TACC3: variants seen among roughly 807,000 people sequenced by gnomAD.
TACC3 encodes transforming acidic coiled-coil containing protein 3.
In TACC3, 52 loss-of-function variants were observed where a neutral mutation model predicts 86.0. The observed-to-expected ratio is 0.60, with a 90% CI of 0.48 to 0.76. The LOEUF (loss-of-function observed/expected upper bound fraction) is 0.76. TACC3 is among the 30% of genes least tolerant of loss of function. The pLI is 0.00. For synonymous variants in TACC3, 512 were observed against 430.0 expected (o/e 1.19, Z -2.36); for missense variants, 1,120 against 1,070.4 (o/e 1.05, Z -0.65).
In TACC3 at chr4:1,744,808, G is replaced by A. The variant is rs372855233; in HGVS notation, c.2427G>A (p.Ser809=). The A allele has an allele frequency of 3.7e-5, 60 of 1,612,928 alleles. No homozygotes were observed. The highest frequency in any genetic ancestry group is 3.1e-4 in the South Asian group (28 of 91,082). The change falls in exon 15 of 16, where the codon TCG becomes TCA. Residue 809 remains serine, a synonymous_variant. Coordinates refer to ENST00000313288, the MANE Select transcript of TACC3 (RefSeq NM_006342.3). The part of the protein sequence containing the change: ...SLRKEQMRIQ[S]LEKTVEQKTK... ...GGAAGGAGCAGATGCGCATCCAGTC[G>A]CTGGAGAAGACAGTGGAGCAGAAGG...
chr4:1,732,698 G>A (rs1038263702), intron 6 of TACC3, among the ~76,000 whole-genome samples: 2 of 152,220 alleles, frequency 1.3e-5, no homozygotes, highest in African/African-American at 4.8e-5. Flanking sequence ...CCCTCACGCA[G>A]GATCCCTGGA....
chr4:1,729,666 T>A (rs1717902226), intron 4 of TACC3, among the ~76,000 whole-genome samples: 1 of 152,180 alleles, frequency 6.6e-6, no homozygotes, highest in African/African-American at 2.4e-5. Context: ...ACAGAGCGGA[T>A]CATGAAAGTG....
upstream of TACC3, chr4:1,721,045 G>C (rs1442238720): frequency 3.3e-6 from 1 of 304,632 alleles, no homozygotes; most frequent in African/African-American, 2.3e-5. Flanking sequence ...GGGCACTCTA[G>C]GACATGGAGT....
intron 4 of TACC3, chr4:1,730,431 A>ATATCTAT (rs1491163576): frequency 3.5e-6 from 1 of 282,822 alleles, no homozygotes; most frequent in Non-Finnish European, 7.0e-6. Context: ...ATATATAATC[A>ATATCTAT]TATCTATAAT....
chr4:1,744,398 C>A, intron 13 of TACC3, 120 bp from the exon 14 acceptor site: 1 of 878,874 alleles, frequency 1.1e-6, no homozygotes. Context: ...AAAACGGGAG[C>A]TACTGGCTCA....
Position 1,744,546 on chromosome 4 carries a change from A to G in TACC3, c.2252A>G (p.Glu751Gly), listed in dbSNP as rs1482027069. 2.5e-6 allele frequency: 4 copies of G among 1,613,082 alleles called. No homozygotes were observed. The highest frequency in any genetic ancestry group is 3.4e-6 in the Non-Finnish European group (4 of 1,179,972). ...KNEESLKKCV[E>G]DYLARITQEG... ...GAAGAGTCACTGAAGAAGTGCGTGG[A>G]GGATTACCTGGCAAGGATCACCCAG... The change falls in exon 14 of 16, where the codon GAG (glutamate) becomes GGG (glycine). Residue 751 changes from glutamate to glycine, a missense_variant. By Grantham distance (98) the Glu-to-Gly change is moderately conservative. Transcript: ENST00000313288.
At chr4:1,723,398 A>G in intron 1 of TACC3, 23 bp from the exon 2 acceptor site, 3 of 1,608,560 alleles carry the variant, frequency 1.9e-6, no homozygotes, top group East Asian at 2.2e-5. Flanking sequence ...TCACACTGAC[A>G]CAAACATGTT....
intron 8 of TACC3, 62 bp from the exon 9 acceptor site, chr4:1,737,179 C>T (rs941734400): frequency 7.3e-7 from 1 of 1,362,890 alleles, no homozygotes; most frequent in Admixed American, 1.7e-5. Flanking sequence ...CCACATGGTC[C>T]TCTGTGTCCT....
At chr4:1,725,329 G>A (rs74776016) in intron 3 of TACC3, among the ~76,000 whole-genome samples, 3,950 of 152,288 alleles carry the variant, frequency 0.026, 64 homozygotes, top group Non-Finnish European at 0.042. Context: ...AATGTCACCA[G>A]TAAGTGCAGG....
At chr4:1,725,793 C>T (rs942012558) in intron 3 of TACC3, among the ~76,000 whole-genome samples, 7 of 152,232 alleles carry the variant, frequency 4.6e-5, no homozygotes, top group Non-Finnish European at 5.9e-5. Flanking sequence ...GGTGCTCCCA[C>T]GTCAGTGGGA....
intron 10 of TACC3, chr4:1,739,357 G>T (rs1718449008): frequency 3.2e-6 from 1 of 311,252 alleles, no homozygotes; most frequent in Non-Finnish European, 5.9e-6. Flanking sequence ...ATTCTTTGAA[G>T]ACAAACTTGG....
intron 4 of TACC3, 190 bp from the exon 5 acceptor site, chr4:1,730,697 G>A (rs961299128): frequency 1.4e-6 from 1 of 739,104 alleles, no homozygotes; most frequent in Non-Finnish European, 2.5e-6. Flanking sequence ...TTTTCCTGCT[G>A]GGTGAGGTTG....
Position 1,730,914 on chromosome 4 carries a change from C to T in TACC3, c.1413C>T (p.Asp471=). The change falls in exon 5 of 16, where the codon GAC becomes GAT. Residue 471 remains aspartate, a synonymous_variant. Transcript: ENST00000313288. ...SQQLHSASAE[D]TPVVQLAAET... ...AGCTGCATTCAGCCTCAGCGGAGGA[C>T]ACGCCTGTGGTGCAGTTGGCAGCCG... is the stretch of plus-strand genomic sequence containing the variant. The T allele has an allele frequency of 6.2e-7, 1 of 1,613,394 alleles. No homozygotes were observed. The highest frequency in any genetic ancestry group is 2.2e-5 in the East Asian group (1 of 44,888).
rs985262414 is a variant in TACC3, at chr4:1,730,761, C to G, written c.1386-126C>G. On this transcript the variant is annotated intron_variant, in intron 4 of 15. Transcript: ENST00000313288. The stretch of plus-strand genomic sequence containing the variant: ...GGGACAGCCCCATGCCTGGCACGCT[C>G]TAGCTGAATGTTCACGTGGCCGGCA... 66 of 1,121,410 alleles carry G rather than the reference C, an allele frequency of 5.9e-5. No individual in the cohort carries two copies. The Middle Eastern group carries it at 1.4e-3, about 23-fold the overall frequency. 69.5% of individuals were successfully genotyped at this position (1,121,410 alleles called of 1,614,324 possible).
intron 6 of TACC3, among the ~76,000 whole-genome samples, chr4:1,734,309 T>C (rs1017146380): frequency 6.6e-6 from 1 of 152,044 alleles, no homozygotes; most frequent in Non-Finnish European, 1.5e-5. Flanking sequence ...TGCCTCAGCC[T>C]CCCAAGTAGC....
chr4:1,722,179 C>G (rs1717419413), intron 1 of TACC3, among the ~76,000 whole-genome samples: 1 of 152,324 alleles, frequency 6.6e-6, no homozygotes, highest in African/African-American at 2.4e-5. Flanking sequence ...CCGGTCCCTT[C>G]TCTGCCCAGA....
chr4:1,737,851 C>T, intron 10 of TACC3, 149 bp downstream of exon 10: 2 of 809,038 alleles, frequency 2.5e-6, no homozygotes, highest in Admixed American at 4.0e-5. Context: ...GCTGCCGGCC[C>T]CTGGCCTGTC....
intron 4 of TACC3, among the ~76,000 whole-genome samples, chr4:1,730,029 G>A (rs1441677663): frequency 7.2e-6 from 1 of 139,842 alleles, no homozygotes; most frequent in Non-Finnish European, 1.6e-5. Flanking sequence ...GTTTTTCCTA[G>A]GGTTATTTGT....
In TACC3 at chr4:1,744,651, G is replaced by A. The variant is rs201895206; in HGVS notation, c.2330+27G>A. 48 of 1,612,408 alleles carry A rather than the reference G, an allele frequency of 3.0e-5. No homozygotes were observed. In the Admixed American group the frequency reaches 6.0e-4, roughly 20 times the overall value. On this transcript the variant is annotated intron_variant, in intron 14 of 15. Transcript: ENST00000313288. ...TGAGTGCTGGGCGAGGCCCCACCCT[G>A]GAGGGAGAATCTGAGCACCTGGGCC... is the stretch of plus-strand genomic sequence containing the variant.
Sources: gnomAD v4.1 joint callset for allele counts (sites outside exome capture counted in the v4.1 genomes callset) on GRCh38, gnomAD v4.1.1 for gene constraint, MANE v1.5 for transcripts, NCBI Gene and HGNC (gene_info 2026-07-23, HGNC 2026-07-21) for gene names.